The following NOL4L variants were observed in gnomAD, a reference collection of about 807,000 sequenced individuals.
NOL4L encodes the protein nucleolar protein 4-like.
A neutral mutation model predicts 64.5 loss-of-function variants in NOL4L; 7 were observed. The observed-to-expected ratio is 0.11, with a 90% CI of 0.06 to 0.20. NOL4L has a LOEUF of 0.20. Ranked by LOEUF, NOL4L falls within the 10% of genes least tolerant of loss-of-function variation. NOL4L has a pLI of 1.00. For missense variants in NOL4L, 680 were observed against 967.1 expected, an observed-to-expected ratio of 0.70 and a Z score of 3.94; for synonymous variants, 413 against 401.0, an observed-to-expected ratio of 1.03 and a Z score of -0.36.
At chr20:32,461,421 C>T (rs113729531) in intron 5 of NOL4L, among the ~76,000 whole-genome samples, 2,085 of 58,180 alleles carry the variant, frequency 0.036, 226 homozygotes, top group East Asian at 0.078. Flanking sequence ...CCTTTCTTTT[C>T]TTTTTTTTTT....
At chr20:32,566,357 AC>A (rs1371352025) in intron 1 of NOL4L, among the ~76,000 whole-genome samples, 2 of 152,044 alleles carry the variant, frequency 1.3e-5, no homozygotes, top group Non-Finnish European at 2.9e-5. Context: ...GGGTCTTCAA[AC>A]CCACTCAGCA....
At position 32,456,254 on chromosome 20, in the gene NOL4L, G is replaced by A; in HGVS notation, c.983C>T (p.Ala328Val). 6.2e-7 allele frequency: 1 copy of A among 1,606,192 alleles called. No individual in the cohort carries two copies. Among genetic ancestry groups the A allele is most frequent in the Non-Finnish European group, 8.5e-7 (1 of 1,176,460 alleles). The part of the protein sequence containing the change: ...AVAPMDFTTA[A>V]EDQPINLCDK... ...ACACAGGTTGATGGGCTGATCCTCG[G>A]CGGCCGTGGTGAAGTCCATGGGGGC... is the stretch of plus-strand genomic sequence containing the variant. Residue 328 changes from alanine to valine, a missense_variant, in exon 6 of 11, where the codon GCC becomes GTC. By Grantham distance (64) the Ala-to-Val change is moderately conservative. Coordinates refer to ENST00000621426, the MANE Select transcript of NOL4L (RefSeq NM_001256798.2).
At chr20:32,537,245 GC>G in intron 1 of NOL4L, 1 of 413,516 alleles carries the variant, frequency 2.4e-6, no homozygotes, top group Non-Finnish European at 3.3e-6. Flanking sequence ...GCGGGGTGTG[GC>G]CATTTGCCCA....
intron 1 of NOL4L, chr20:32,536,974 C>T: frequency 1.3e-6 from 1 of 783,860 alleles, no homozygotes; most frequent in Non-Finnish European, 1.5e-6. Context: ...CCGCCCACCC[C>T]ACGCGCACCT....
intron 4 of NOL4L, among the ~76,000 whole-genome samples, chr20:32,498,869 A>C (rs1016181078): frequency 1.3e-5 from 2 of 152,030 alleles, no homozygotes; most frequent in Non-Finnish European, 2.9e-5. Context: ...CTACTTAAAA[A>C]ATTTTTGTGT....
At chr20:32,544,890 G>T (rs2018711057) in intron 1 of NOL4L, among the ~76,000 whole-genome samples, 1 of 152,172 alleles carries the variant, frequency 6.6e-6, no homozygotes, top group Admixed American at 6.5e-5. Context: ...GACACGAAAA[G>T]GTGAGTACTA....
At chr20:32,580,388 G>A (rs1250971132) in intron 1 of NOL4L, among the ~76,000 whole-genome samples, 5 of 152,172 alleles carry the variant, frequency 3.3e-5, no homozygotes, top group Non-Finnish European at 5.9e-5. Context: ...CATATTACGC[G>A]GTGCTAAGTC....
chr20:32,452,120 G>A, intron 10 of NOL4L, 116 bp downstream of exon 10: 1 of 868,398 alleles, frequency 1.2e-6, no homozygotes, highest in Non-Finnish European at 1.6e-6. Context: ...CTGTGAGGCA[G>A]CCCCTTTCCA....
At chr20:32,455,882 G>A (rs987264307) in intron 6 of NOL4L, among the ~76,000 whole-genome samples, 6 of 152,156 alleles carry the variant, frequency 3.9e-5, no homozygotes, top group African/African-American at 7.2e-5. Flanking sequence ...GGCAGGGGCC[G>A]TCAGCTCCAC....
In NOL4L at chr20:32,584,635, G is replaced by T. The variant is rs1484736061; in HGVS notation, c.256C>A (p.Arg86Ser). The change falls in exon 1 of 11, where the codon CGC (arginine) becomes AGC (serine). Residue 86 changes from arginine to serine, a missense_variant. Arg to Ser is a moderately radical substitution (Grantham distance 110). Transcript: ENST00000621426. Reference protein sequence around the residue: ...FQFWVRSKGFRLGSGREPKMG... With the variant: ...FQFWVRSKGFSLGSGREPKMG... The stretch of plus-strand genomic sequence containing the variant: ...TTGGGTTCCCGGCCGCTGCCCAGGC[G>T]GAAGCCCTTGGAGCGCACCCAGAAC... 1 of 1,540,894 alleles carries T rather than the reference G, an allele frequency of 6.5e-7. No individual in the cohort carries two copies. Among genetic ancestry groups the T allele is most frequent in the Admixed American group, 2.0e-5 (1 of 49,878 alleles).
chr20:32,503,361 A>C (rs1208654203), intron 4 of NOL4L, among the ~76,000 whole-genome samples: 1 of 152,182 alleles, frequency 6.6e-6, no homozygotes, highest in African/African-American at 2.4e-5. Context: ...TAGATGGAGC[A>C]AAGGAAAGAA....
chr20:32,496,114 CCTGGGAGAG>C (rs2016679331), intron 4 of NOL4L, among the ~76,000 whole-genome samples: 1 of 152,162 alleles, frequency 6.6e-6, no homozygotes, highest in African/African-American at 2.4e-5. Flanking sequence ...GCTGGCAGGC[CCTGGGAGAG>C]CTGCCTTTGA....
chr20:32,483,283 G>A, intron 4 of NOL4L: 2 of 865,652 alleles, frequency 2.3e-6, no homozygotes, highest in Non-Finnish European at 2.8e-6. Context: ...AACGGCCGGC[G>A]GCAGCAGCCG....
chr20:32,467,813 C>A (rs1183552376), intron 5 of NOL4L, among the ~76,000 whole-genome samples: 1 of 152,184 alleles, frequency 6.6e-6, no homozygotes, highest in African/African-American at 2.4e-5. Flanking sequence ...TCTGTGTGCC[C>A]CCACACTTCC....
intron 5 of NOL4L, among the ~76,000 whole-genome samples, chr20:32,467,944 C>T (rs2014692540): frequency 6.6e-6 from 1 of 152,214 alleles, no homozygotes; most frequent in South Asian, 2.1e-4. Context: ...AACACACCTG[C>T]TCCCCAGAGA....
chr20:32,467,218 C>A (rs925183966), intron 5 of NOL4L, among the ~76,000 whole-genome samples: 1 of 152,100 alleles, frequency 6.6e-6, no homozygotes, highest in East Asian at 1.9e-4. Flanking sequence ...CCTTGGATGG[C>A]AGCACTGACT....
intron 4 of NOL4L, among the ~76,000 whole-genome samples, chr20:32,486,139 T>G (rs908859372): frequency 2.0e-5 from 3 of 152,238 alleles, no homozygotes; most frequent in African/African-American, 7.2e-5. Context: ...TTCATGTGTG[T>G]GTGCTGAAGC....
chr20:32,510,048 A>G lies in NOL4L; in HGVS notation c.699+1299T>C, dbSNP rs907022225. On this transcript the variant is annotated intron_variant, in intron 4 of 10. Coordinates refer to ENST00000621426, the MANE Select transcript of NOL4L (RefSeq NM_001256798.2). ...TTCTATAACCAACAACAAAAGCAACACCCTCATTACCGACACTCCTGCAGC... is the reference window on the plus strand; with the variant it reads ...TTCTATAACCAACAACAAAAGCAACGCCCTCATTACCGACACTCCTGCAGC... 2.5e-5 allele frequency: 22 copies of G among 864,308 alleles called. No individual in the cohort carries two copies. The African/African-American group carries it at 3.6e-4, about 14-fold the overall frequency. The allele number at this position is 864,308 out of a possible 1,614,324, so 53.5% of individuals were successfully genotyped here.
chr20:32,498,817 G>A (rs1387786947), intron 4 of NOL4L, among the ~76,000 whole-genome samples: 1 of 147,966 alleles, frequency 6.8e-6, no homozygotes, highest in Non-Finnish European at 1.5e-5. Flanking sequence ...GGGAGGCCCA[G>A]AAGTTCAAGA....
Sources: allele counts gnomAD v4.1 joint callset (sites outside exome capture counted in the v4.1 genomes callset), GRCh38; gene constraint gnomAD v4.1.1; transcripts MANE v1.5; gene names NCBI Gene and HGNC (gene_info 2026-07-23, HGNC 2026-07-21).